The following WWTR1 variants were observed in gnomAD, a reference collection of about 807,000 sequenced individuals.
The protein encoded by WWTR1 is WW domain containing transcription regulator 1.
A neutral mutation model predicts 40.1 loss-of-function variants in WWTR1; 13 were observed. The observed-to-expected ratio is 0.32, with a 90% confidence interval of 0.21 to 0.52. The LOEUF (loss-of-function observed/expected upper bound fraction) is 0.52, where lower values mean the gene tolerates loss of function less well. Ranked by LOEUF, WWTR1 falls within the 20% of genes least tolerant of loss-of-function variation. The probability of loss-of-function intolerance (pLI) is 0.97; values close to 1 mark genes in which losing one functional copy is unlikely to be tolerated. For synonymous variants in WWTR1, 230 were observed against 210.1 expected (o/e 1.09, Z -0.82); for missense variants, 436 against 523.1 (o/e 0.83, Z 1.63).
At chr3:149,658,914 G>A (rs1181901612), upstream of WWTR1, among the ~76,000 whole-genome samples, 1 of 152,170 alleles carries the variant, frequency 6.6e-6, no homozygotes. Flanking sequence ...AGCCGGGATG[G>A]AACCCGAGCA....
intron 2 of WWTR1, among the ~76,000 whole-genome samples, chr3:149,609,384 A>G (rs907969909): frequency 6.6e-6 from 1 of 152,238 alleles, no homozygotes; most frequent in Non-Finnish European, 1.5e-5. Context: ...GGATAGGGTC[A>G]GCAAACTATG....
At chr3:149,647,418 AG>A (rs1712594670) in intron 2 of WWTR1, among the ~76,000 whole-genome samples, 1 of 152,230 alleles carries the variant, frequency 6.6e-6, no homozygotes. Flanking sequence ...AACTGGGCCT[AG>A]GTGGGCCCTG....
Position 149,622,505 on chromosome 3 carries a change from GAAA to G in WWTR1, c.431+34368_431+34370del, listed in dbSNP as rs1576603618. Among the ~76,000 whole-genome samples, 450 of 137,270 alleles carry G rather than the reference GAAA, an allele frequency of 3.3e-3. 2 individuals are homozygous for G. Among genetic ancestry groups the G allele is most frequent in the African/African-American group, 0.011 (389 of 35,294 alleles). 90.1% of individuals were successfully genotyped at this position (137,270 alleles called of 152,430 possible). A position where few individuals can be genotyped will look rare whatever the true frequency, so the allele number is the denominator to read the frequency against. ...AGGAAGGAAGGAAGGAAGGAAGGAA[GAAA>G]GAAAGAAAGAAAGAAAGAAAGAAAG... On this transcript the variant is annotated intron_variant, in intron 2 of 6. Coordinates refer to ENST00000360632, the MANE Select transcript of WWTR1 (RefSeq NM_015472.6).
chr3:149,529,211 TA>T (rs1017279104), intron 4 of WWTR1, among the ~76,000 whole-genome samples: 1 of 152,196 alleles, frequency 6.6e-6, no homozygotes, highest in Non-Finnish European at 1.5e-5. Flanking sequence ...CCTCAAACCC[TA>T]AAACCATGGC....
chr3:149,581,191 G>A (rs934136085), intron 2 of WWTR1, among the ~76,000 whole-genome samples: 2 of 152,084 alleles, frequency 1.3e-5, no homozygotes, highest in African/African-American at 4.8e-5. Context: ...TGGTTATAAT[G>A]ATTCTTCCAT....
chr3:149,656,330 T>A (rs1161303277), intron 2 of WWTR1, among the ~76,000 whole-genome samples: 2 of 152,204 alleles, frequency 1.3e-5, no homozygotes, highest in Admixed American at 6.5e-5. Context: ...GCTAATAACA[T>A]CACTGTGCTG....
At chr3:149,629,385 G>A (rs978874961) in intron 2 of WWTR1, among the ~76,000 whole-genome samples, 1 of 152,180 alleles carries the variant, frequency 6.6e-6, no homozygotes, top group Non-Finnish European at 1.5e-5. Context: ...ACTCCTCAGA[G>A]ATTATCTAAG....
rs60307230 is a variant in WWTR1, at chr3:149,622,501, G to GAAAAA, written c.431+34374_431+34375insTTTTT. ...AGGAAGGAAGGAAGGAAGGAAGGAAGGAAGAAAGAAAGAAAGAAAGAAAGA... is the reference window on the plus strand; with the variant it reads ...AGGAAGGAAGGAAGGAAGGAAGGAAGAAAAAGAAGAAAGAAAGAAAGAAAGAAAGA... On this transcript the variant is annotated intron_variant, in intron 2 of 6. Transcript: ENST00000360632. Among the ~76,000 whole-genome samples, 108 of 112,110 alleles carry GAAAAA rather than the reference G, an allele frequency of 9.6e-4. 1 individual carries two copies. The highest frequency in any genetic ancestry group is 3.5e-3 in the African/African-American group (104 of 29,846). The allele number at this position is 112,110 out of a possible 152,430, so 73.5% of individuals were successfully genotyped here. A position where few individuals can be genotyped will look rare whatever the true frequency, so the allele number is the denominator to read the frequency against.
chr3:149,615,018 G>T (rs968858956), intron 2 of WWTR1, among the ~76,000 whole-genome samples: 1 of 152,062 alleles, frequency 6.6e-6, no homozygotes, highest in Admixed American at 6.6e-5. Flanking sequence ...ATGGTTACAG[G>T]GGGGTACATT....
chr3:149,591,655 T>C (rs920934682), intron 2 of WWTR1, among the ~76,000 whole-genome samples: 9 of 152,202 alleles, frequency 5.9e-5, no homozygotes, highest in Admixed American at 3.3e-4. Context: ...TTCATGATAA[T>C]ATCTTATGTT....
At chr3:149,544,472 G>A (rs539079127) in intron 3 of WWTR1, among the ~76,000 whole-genome samples, 1 of 152,338 alleles carries the variant, frequency 6.6e-6, no homozygotes, top group African/African-American at 2.4e-5. Context: ...GAAGAGAGGT[G>A]TGAAGAAATG....
chr3:149,647,538 C>A (rs1712604628), intron 2 of WWTR1, among the ~76,000 whole-genome samples: 1 of 152,108 alleles, frequency 6.6e-6, no homozygotes, highest in Non-Finnish European at 1.5e-5. Flanking sequence ...TGGGAACAAG[C>A]AGACTCAAAA....
In WWTR1 at chr3:149,634,060, G is replaced by A. The variant is rs146445318; in HGVS notation, c.431+22816C>T. 9.5e-4 allele frequency among the ~76,000 whole-genome samples: 145 copies of A among 152,254 alleles called. 1 individual carries two copies. Among genetic ancestry groups the A allele is most frequent in the African/African-American group, 3.4e-3 (140 of 41,550 alleles). On this transcript the variant is annotated intron_variant, in intron 2 of 6. Transcript: ENST00000360632. ...ATAAATGATCACATCACACAGTAGG[G>A]TGGAGGCAACAGGAATGGAGAAAGA...
chr3:149,535,590 T>C (rs1647219600), intron 4 of WWTR1, among the ~76,000 whole-genome samples: 1 of 152,196 alleles, frequency 6.6e-6, no homozygotes, highest in Non-Finnish European at 1.5e-5. Context: ...GGTCTATTTG[T>C]TGCTCTTTTT....
upstream of WWTR1, chr3:149,659,260 G>A (rs1259312516): frequency 6.6e-6 from 1 of 151,790 alleles, no homozygotes; most frequent in Non-Finnish European, 1.5e-5. Context: ...GCACAGCACC[G>A]GGCTGGTTAC....
intron 1 of WWTR1, among the ~76,000 whole-genome samples, chr3:149,687,249 T>C (rs530022083): frequency 2.0e-5 from 3 of 152,352 alleles, no homozygotes; most frequent in African/African-American, 7.2e-5. Flanking sequence ...ATCTGTAAGA[T>C]AGCTGCATCA....
chr3:149,568,282 A>T (rs1442766654), intron 3 of WWTR1, among the ~76,000 whole-genome samples: 1 of 146,832 alleles, frequency 6.8e-6, no homozygotes, highest in Admixed American at 6.6e-5. Context: ...GCTACTCCAG[A>T]GGCTGAGGCA....
intron 2 of WWTR1, among the ~76,000 whole-genome samples, chr3:149,597,415 G>A (rs1739044800): frequency 7.2e-6 from 1 of 139,502 alleles, no homozygotes; most frequent in Non-Finnish European, 1.5e-5. Context: ...GGGCAACATG[G>A]TGAAACCCCA....
At chr3:149,614,185 A>T (rs534675982) in intron 2 of WWTR1, among the ~76,000 whole-genome samples, 50 of 152,310 alleles carry the variant, frequency 3.3e-4, no homozygotes, top group African/African-American at 1.2e-3. Flanking sequence ...TTTTGGGTCA[A>T]CAACAGATGG....
Sources: allele counts gnomAD v4.1 joint callset (sites outside exome capture counted in the v4.1 genomes callset), GRCh38; gene constraint gnomAD v4.1.1; transcripts MANE v1.5; gene names NCBI Gene and HGNC (gene_info 2026-07-23, HGNC 2026-07-21).